The following ATP6V0D2 variants were observed in gnomAD, a reference collection of about 807,000 sequenced individuals.
ATP6V0D2 encodes the protein V-type proton ATPase subunit d 2.
Under a neutral mutation model 40.0 loss-of-function variants are expected in ATP6V0D2, and 40 were observed. That is an observed-to-expected ratio of 1.00 (90% CI 0.78 to 1.30). The LOEUF is 1.30. Ranked by LOEUF, ATP6V0D2 falls within the 50% of genes most tolerant of loss-of-function variation. ATP6V0D2 has a pLI of 0.00. For synonymous variants in ATP6V0D2, 179 were observed against 156.3 expected, an observed-to-expected ratio of 1.15 and a Z score of -1.08; for missense variants, 470 against 423.1, an observed-to-expected ratio of 1.11 and a Z score of -0.97.
At chr8:86,136,776 G>A (rs1328319326) in intron 2 of ATP6V0D2, among the ~76,000 whole-genome samples, 1 of 152,130 alleles carries the variant, frequency 6.6e-6, no homozygotes, top group Non-Finnish European at 1.5e-5. Context: ...CATGCAGCCA[G>A]ACTCTGGTGA....
chr8:86,146,817 A>G (rs1470579853), intron 5 of ATP6V0D2, among the ~76,000 whole-genome samples: 1 of 152,212 alleles, frequency 6.6e-6, no homozygotes, highest in Non-Finnish European at 1.5e-5. Flanking sequence ...TTACATAAAT[A>G]CTTTCGATCA....
At chr8:86,135,497 A>C (rs188753479) in intron 2 of ATP6V0D2, among the ~76,000 whole-genome samples, 1 of 152,314 alleles carries the variant, frequency 6.6e-6, no homozygotes, top group East Asian at 1.9e-4. Flanking sequence ...GATCTTGGGT[A>C]AGGTATTTAG....
intron 1 of ATP6V0D2, among the ~76,000 whole-genome samples, chr8:86,110,564 T>C (rs1247400953): frequency 6.6e-6 from 1 of 152,156 alleles, no homozygotes; most frequent in East Asian, 1.9e-4. Context: ...GGAAGGCTTT[T>C]AAGGGAAAGT....
In ATP6V0D2 at chr8:86,099,010, T is replaced by A; in HGVS notation, c.32T>A (p.Val11Glu). MLEGAELYFN[V>E]DHGYLEGLVR... ...GAAGGTGCGGAGCTGTACTTCAACG[T>A]GGACCATGGCTACCTGGAGGGCCTG... Residue 11 changes from valine (V) to glutamate (E), a missense_variant, in exon 1 of 8, where the codon GTG (valine) becomes GAG (glutamate). Physicochemically the swap from Val to Glu is moderately radical, Grantham distance 121. Coordinates refer to ENST00000285393, the MANE Select transcript of ATP6V0D2 (RefSeq NM_152565.1). 6.2e-7 allele frequency: 1 copy of A among 1,614,106 alleles called. No individual in the cohort carries two copies. The highest frequency in any genetic ancestry group is 8.5e-7 in the Non-Finnish European group (1 of 1,180,016).
Position 86,153,758 on chromosome 8 carries a change from G to GTTTTC in ATP6V0D2, c.*785_*786insCTTTT, listed in dbSNP as rs547785700. 2 of 151,932 alleles carry GTTTTC rather than the reference G, an allele frequency of 1.3e-5. No homozygotes were observed. The highest frequency in any genetic ancestry group is 2.9e-5 in the Non-Finnish European group (2 of 68,080). 9.4% of individuals were successfully genotyped at this position (151,932 alleles called of 1,614,324 possible). ...ACAAGTGTTGGAAAATGTGTTTTTT[G>GTTTTC]TTTTGTTTTGTTTTGTTTCGTTTTG... On this transcript the variant is annotated 3_prime_UTR_variant, in exon 8 of 8. Transcript: ENST00000285393.
At chr8:86,103,610 A>T (rs1818431294) in intron 1 of ATP6V0D2, among the ~76,000 whole-genome samples, 3 of 152,140 alleles carry the variant, frequency 2.0e-5, no homozygotes, top group African/African-American at 7.2e-5. Context: ...TAGCGCCAAG[A>T]AAGTAAAGAT....
At chr8:86,105,788 A>C (rs754313138) in intron 1 of ATP6V0D2, among the ~76,000 whole-genome samples, 1 of 150,886 alleles carries the variant, frequency 6.6e-6, no homozygotes, top group Admixed American at 6.6e-5. Context: ...CTAATTTTTT[A>C]TATTTTTAGT....
At chr8:86,133,409 G>A (rs550377445) in intron 2 of ATP6V0D2, among the ~76,000 whole-genome samples, 6 of 128,766 alleles carry the variant, frequency 4.7e-5, no homozygotes, top group East Asian at 2.6e-4. Flanking sequence ...TGCAACCTCC[G>A]CCTCCTGGGT....
intron 1 of ATP6V0D2, among the ~76,000 whole-genome samples, chr8:86,103,229 T>C (rs1472699417): frequency 6.6e-6 from 1 of 151,616 alleles, no homozygotes; most frequent in Non-Finnish European, 1.5e-5. Context: ...GTGATTCTCC[T>C]GCCTCAGCCT....
chr8:86,149,400 G>C (rs1382035161), intron 5 of ATP6V0D2, among the ~76,000 whole-genome samples: 1 of 152,160 alleles, frequency 6.6e-6, no homozygotes, highest in Non-Finnish European at 1.5e-5. Context: ...GTGCCTAGTG[G>C]TGTTCAGCAC....
chr8:86,152,514 G>A (rs764770563), intron 7 of ATP6V0D2, among the ~76,000 whole-genome samples: 11 of 152,172 alleles, frequency 7.2e-5, no homozygotes, highest in Non-Finnish European at 1.5e-4. Flanking sequence ...CTTCCACAAT[G>A]GTTGAACTAA....
Position 86,150,234 on chromosome 8 carries a change from G to A in ATP6V0D2, c.762G>A (p.Leu254=), listed in dbSNP as rs765480746. ...AACTCTATCCTGAGGGGTTGCGGCT[G>A]TTGGCTCAAGCAGAAGACTTTGACC... ...FGKLYPEGLR[L]LAQAEDFDQM... is the part of the protein sequence containing the mutation. The change falls in exon 6 of 8, where the codon CTG becomes CTA. Residue 254 remains leucine (L), a synonymous_variant. Coordinates refer to ENST00000285393, the MANE Select transcript of ATP6V0D2 (RefSeq NM_152565.1). The A allele has an allele frequency of 6.2e-7, 1 of 1,613,198 alleles. No individual in the cohort carries two copies. Among genetic ancestry groups the A allele is most frequent in the African/African-American group, 1.3e-5 (1 of 74,706 alleles).
chr8:86,105,573 C>T (rs1818458759), intron 1 of ATP6V0D2, among the ~76,000 whole-genome samples: 2 of 151,206 alleles, frequency 1.3e-5, no homozygotes, highest in South Asian at 4.2e-4. Context: ...ACTGAGATTA[C>T]CGGTGTAAGC....
chr8:86,142,113 A>G (rs1818983027), intron 4 of ATP6V0D2, among the ~76,000 whole-genome samples: 1 of 152,212 alleles, frequency 6.6e-6, no homozygotes, highest in African/African-American at 2.4e-5. Flanking sequence ...TCAAATAACC[A>G]TAGCCTCTTT....
At chr8:86,109,947 A>C (rs143860262) in intron 1 of ATP6V0D2, among the ~76,000 whole-genome samples, 228 of 152,240 alleles carry the variant, frequency 1.5e-3, no homozygotes, top group Middle Eastern at 0.01. Flanking sequence ...TTATCTCAGG[A>C]TAAACATGGC....
At chr8:86,123,919 A>C (rs1290255483) in intron 2 of ATP6V0D2, among the ~76,000 whole-genome samples, 1 of 152,188 alleles carries the variant, frequency 6.6e-6, no homozygotes, top group African/African-American at 2.4e-5. Context: ...TTAAATGAGT[A>C]AATAGCCTTC....
intron 2 of ATP6V0D2, among the ~76,000 whole-genome samples, chr8:86,131,025 G>A (rs1486735082): frequency 6.6e-6 from 1 of 152,012 alleles, no homozygotes; most frequent in African/African-American, 2.4e-5. Flanking sequence ...AGTGTGGCCA[G>A]CGGTTCTTTG....
intron 5 of ATP6V0D2, among the ~76,000 whole-genome samples, chr8:86,146,438 G>A (rs923912106): frequency 3.9e-5 from 6 of 152,084 alleles, no homozygotes; most frequent in Middle Eastern, 3.2e-3. Flanking sequence ...GTTTATGCCT[G>A]TAATCCCAGC....
At chr8:86,108,950 T>G (rs1167807498) in intron 1 of ATP6V0D2, among the ~76,000 whole-genome samples, 1 of 152,232 alleles carries the variant, frequency 6.6e-6, no homozygotes, top group Non-Finnish European at 1.5e-5. Flanking sequence ...TAATCTATTT[T>G]TTTTATTCTA....
Sources: gnomAD v4.1 joint callset for allele counts (sites outside exome capture counted in the v4.1 genomes callset) on GRCh38, gnomAD v4.1.1 for gene constraint, MANE v1.5 for transcripts, NCBI Gene and HGNC (gene_info 2026-07-23, HGNC 2026-07-21) for gene names.